BCR: variants seen among roughly 807,000 people sequenced by gnomAD.
The protein encoded by BCR is BCR activator of RhoGEF and GTPase, also known as breakpoint cluster region protein.
BCR carries 58 observed loss-of-function variants against 138.6 expected under a neutral mutation model. The ratio of observed to expected loss-of-function variants is 0.42; its 90% CI spans 0.34 to 0.52. The LOEUF (loss-of-function observed/expected upper bound fraction) is 0.52. Among genes scored for constraint, BCR ranks in the 20% least tolerant of loss-of-function variants. The probability of loss-of-function intolerance (pLI) is 0.06; values close to 1 mark genes in which losing one functional copy is unlikely to be tolerated. For synonymous variants in BCR, 786 were observed against 730.1 expected, an observed-to-expected ratio of 1.08 and a Z score of -1.23; for missense variants, 1,599 against 1,727.2, an observed-to-expected ratio of 0.93 and a Z score of 1.32.
At chr22:23,233,916 G>A (rs1406474606) in intron 1 of BCR, among the ~76,000 whole-genome samples, 1 of 151,966 alleles carries the variant, frequency 6.6e-6, no homozygotes, top group Non-Finnish European at 1.5e-5. Context: ...GGGCATGTCA[G>A]TGGGCAGAGT....
chr22:23,271,667 AAGC>A (rs1408671857), intron 6 of BCR, 75 bp downstream of exon 6: 1 of 1,461,400 alleles, frequency 6.8e-7, no homozygotes, highest in Non-Finnish European at 9.5e-7. Context: ...CGTTGTGGAA[AAGC>A]AGACACAGTG....
chr22:23,186,100 C>T (rs2146195204), intron 1 of BCR, among the ~76,000 whole-genome samples: 1 of 152,278 alleles, frequency 6.6e-6, no homozygotes, highest in East Asian at 1.9e-4. Flanking sequence ...CATGTATGTG[C>T]TCAAGGGAAG....
At chr22:23,304,830 A>G (rs756665559) in intron 16 of BCR, among the ~76,000 whole-genome samples, 1 of 152,204 alleles carries the variant, frequency 6.6e-6, no homozygotes, top group Non-Finnish European at 1.5e-5. Flanking sequence ...AAAGTGGGAT[A>G]GAGGCCAGGC....
intron 8 of BCR, among the ~76,000 whole-genome samples, chr22:23,274,637 C>T (rs1303852950): frequency 1.3e-5 from 2 of 152,090 alleles, no homozygotes; most frequent in Non-Finnish European, 1.5e-5. Flanking sequence ...TGGCTGGGTG[C>T]GGTGGCTCAC....
intron 13 of BCR, 32 bp from the exon 14 acceptor site, chr22:23,290,307 A>C (rs986492294): frequency 6.2e-7 from 1 of 1,602,592 alleles, no homozygotes; most frequent in Non-Finnish European, 8.5e-7. Flanking sequence ...TCCCGGGACA[A>C]CAGAAGCTGA....
chr22:23,200,815 C>T (rs2072544899), intron 1 of BCR, among the ~76,000 whole-genome samples: 1 of 152,180 alleles, frequency 6.6e-6, no homozygotes, highest in African/African-American at 2.4e-5. Context: ...CCGCCTTGGC[C>T]TCCCAAAGTG....
At chr22:23,217,107 TAC>T (rs1455087642) in intron 1 of BCR, 2 of 430,906 alleles carry the variant, frequency 4.6e-6, no homozygotes, top group East Asian at 1.6e-4. Flanking sequence ...GGATTTTAGT[TAC>T]ACAGTCACAG....
intron 8 of BCR, among the ~76,000 whole-genome samples, chr22:23,277,279 C>CA (rs2073588688): frequency 6.6e-6 from 1 of 152,206 alleles, no homozygotes; most frequent in South Asian, 2.1e-4. Context: ...AACTGCGACT[C>CA]AGAGAGGTTG....
At chr22:23,267,644 A>G (rs1471088364) in intron 4 of BCR, among the ~76,000 whole-genome samples, 1 of 152,136 alleles carries the variant, frequency 6.6e-6, no homozygotes, top group Admixed American at 6.5e-5. Context: ...TATACTCCCC[A>G]GGCCTAGGTT....
At chr22:23,299,527 G>A (rs1474874089) in intron 16 of BCR, among the ~76,000 whole-genome samples, 2 of 152,086 alleles carry the variant, frequency 1.3e-5, no homozygotes, top group South Asian at 2.1e-4. Flanking sequence ...CCCCCGTGAC[G>A]TGATCTTTAT....
intron 1 of BCR, among the ~76,000 whole-genome samples, chr22:23,203,428 C>A (rs935522794): frequency 6.6e-6 from 1 of 152,206 alleles, no homozygotes; most frequent in Non-Finnish European, 1.5e-5. Context: ...GGGCCTTACC[C>A]TCCAAAAATC....
chr22:23,197,881 G>A (rs549099260), intron 1 of BCR, among the ~76,000 whole-genome samples: 64 of 152,160 alleles, frequency 4.2e-4, no homozygotes, highest in Non-Finnish European at 7.6e-4. Context: ...GGGAGGGGGT[G>A]ACAGAAAGGG....
chr22:23,230,061 T>A (rs2072939131), intron 1 of BCR, among the ~76,000 whole-genome samples: 1 of 151,448 alleles, frequency 6.6e-6, no homozygotes, highest in Admixed American at 6.6e-5. Context: ...TCTTTTTTTT[T>A]TTTCCTCTTG....
chr22:23,217,850 C>T (rs1454859202), intron 1 of BCR, among the ~76,000 whole-genome samples: 1 of 152,184 alleles, frequency 6.6e-6, no homozygotes, highest in Non-Finnish European at 1.5e-5. Context: ...GCGGGGATCC[C>T]GGGTAGGCGG....
intron 2 of BCR, among the ~76,000 whole-genome samples, chr22:23,257,032 C>T (rs993257508): frequency 6.6e-6 from 1 of 152,148 alleles, no homozygotes; most frequent in Non-Finnish European, 1.5e-5. Flanking sequence ...CTCCATGGCC[C>T]TCCCTGCATT....
In BCR at chr22:23,310,391, AACAG is replaced by A; in HGVS notation, c.3145_3148del (p.Thr1049GlyfsTer52). ...AGCTTGAAGAGGATGCCGTCCCGAA[AACAG>A]ACAGGGGTCTTCGGAGTCAAGATTG... On this transcript the variant is annotated frameshift_variant, in exon 18 of 23. Transcript: ENST00000305877. LOFTEE classifies it high-confidence loss of function. 3 of 1,408,442 alleles carry A rather than the reference AACAG, an allele frequency of 2.1e-6. No individual in the cohort carries two copies. Among genetic ancestry groups the A allele is most frequent in the Non-Finnish European group, 2.0e-6 (2 of 995,728 alleles). The allele number at this position is 1,408,442 out of a possible 1,614,324, so 87.2% of individuals were successfully genotyped here.
intron 1 of BCR, among the ~76,000 whole-genome samples, chr22:23,229,502 T>A (rs919407822): frequency 2.0e-5 from 3 of 152,036 alleles, no homozygotes; most frequent in East Asian, 1.9e-4. Flanking sequence ...TTTTTTTTTT[T>A]AAACAGGCAG....
intron 10 of BCR, among the ~76,000 whole-genome samples, chr22:23,286,303 G>A (rs565500706): frequency 7.2e-5 from 11 of 152,330 alleles, no homozygotes; most frequent in Middle Eastern, 3.4e-3. Context: ...CAGAGGAGGC[G>A]GGTGGCATCA....
At chr22:23,250,761 G>A (rs2073216054) in intron 1 of BCR, among the ~76,000 whole-genome samples, 1 of 152,200 alleles carries the variant, frequency 6.6e-6, no homozygotes, top group Admixed American at 6.5e-5. Context: ...AGCTGAGGCA[G>A]GAGGATTGCT....
Sources: allele counts gnomAD v4.1 joint callset (sites outside exome capture counted in the v4.1 genomes callset), GRCh38; gene constraint gnomAD v4.1.1; transcripts MANE v1.5; gene names NCBI Gene and HGNC (gene_info 2026-07-23, HGNC 2026-07-21).